The following TCP11 variants were observed in gnomAD, a reference collection of about 807,000 sequenced individuals.
TCP11 encodes the protein T-complex protein 11 homolog.
In TCP11, 34 loss-of-function variants were observed where a neutral mutation model predicts 45.0. The ratio of observed to expected loss-of-function variants is 0.76; its 90% CI spans 0.57 to 1.01. TCP11 has a LOEUF of 1.01. Ranked by LOEUF, TCP11 falls within the 50% of genes least tolerant of loss-of-function variation. TCP11 has a pLI of 0.00. For missense variants in TCP11, 523 were observed against 598.1 expected, an observed-to-expected ratio of 0.87 and a Z score of 1.31; for synonymous variants, 227 against 227.0, an observed-to-expected ratio of 1.00 and a Z score of 0.00.
At chr6:35,129,258 A>G (rs1780154401) in intron 3 of TCP11, 76 bp from the exon 4 acceptor site, 1 of 1,515,082 alleles carries the variant, frequency 6.6e-7, no homozygotes, top group Non-Finnish European at 8.8e-7. Flanking sequence ...CTAAACCCCA[A>G]ACTGAATTTG....
intron 3 of TCP11, among the ~76,000 whole-genome samples, chr6:35,135,686 C>T (rs1215130640): frequency 6.6e-6 from 1 of 151,166 alleles, no homozygotes; most frequent in Non-Finnish European, 1.5e-5. Context: ...AGGCCATGAC[C>T]ATACTACTGC....
chr6:35,120,209 T>C lies in TCP11; in HGVS notation c.1065A>G (p.Val355=), dbSNP rs1779072171. Residue 355 remains valine, a synonymous_variant, in exon 8 of 10, where the codon GTA becomes GTG. Transcript: ENST00000311875. This position sits in a 1 kb window ranked among gnomAD's most constrained non-coding sequence, Gnocchi z 4.9. Reference sequence around the variant, plus strand: ...ATTTGGTTATGCGTTTCAGTTTATCTACAAATTGGGGTGAGCCAAACAAAA... The same window carrying C: ...ATTTGGTTATGCGTTTCAGTTTATCCACAAATTGGGGTGAGCCAAACAAAA... ...GSVLFGSPQF[V]DKLKRITKSL... 6.2e-7 allele frequency: 1 copy of C among 1,614,128 alleles called. No individual in the cohort carries two copies.
At position 35,118,521 on chromosome 6, in the gene TCP11, C is replaced by A; in HGVS notation, c.1280-20G>T. The A allele has an allele frequency of 6.2e-7, 1 of 1,606,312 alleles. No homozygotes were observed. ...GCTGATCTGTGAGCAGGAAAAGACACTGATAAGGGAAAAGGCAAACAGATT... is the reference window on the plus strand; with the variant it reads ...GCTGATCTGTGAGCAGGAAAAGACAATGATAAGGGAAAAGGCAAACAGATT... On this transcript the variant is annotated intron_variant, in intron 9 of 9. Transcript: ENST00000311875.
At position 35,139,362 on chromosome 6, in the gene TCP11, C is replaced by T. The variant is rs549910011; in HGVS notation, c.124+1385G>A. ...GTATTATTTTTTACTTTCCAGCAGACTTACGATATTTAAAAATAAAAAGTT... is the reference window on the plus strand; with the variant it reads ...GTATTATTTTTTACTTTCCAGCAGATTTACGATATTTAAAAATAAAAAGTT... On this transcript the variant is annotated intron_variant, in intron 2 of 9. Coordinates refer to ENST00000311875, the MANE Select transcript of TCP11 (RefSeq NM_001370687.1). Among the ~76,000 whole-genome samples the T allele has an allele frequency of 8.5e-5, 13 of 152,220 alleles. No individual in the cohort carries two copies. In the East Asian group the frequency reaches 2.3e-3, roughly 27 times the overall value.
intron 4 of TCP11, among the ~76,000 whole-genome samples, chr6:35,127,368 C>T (rs1482786244): frequency 6.6e-6 from 1 of 152,120 alleles, no homozygotes; most frequent in African/African-American, 2.4e-5. Flanking sequence ...TGGAAAACCA[C>T]AACAAACAAA....
Position 35,129,003 on chromosome 6 carries a change from C to T in TCP11, c.357+59G>A. Reference sequence around the variant, plus strand: ...TCAGTTAAGATTTGCTAGCCACTGACACTCCAATGAGCTGGAGATGTCTAG... The same window carrying T: ...TCAGTTAAGATTTGCTAGCCACTGATACTCCAATGAGCTGGAGATGTCTAG... On this transcript the variant is annotated intron_variant, in intron 4 of 9. Coordinates refer to ENST00000311875, the MANE Select transcript of TCP11 (RefSeq NM_001370687.1). The T allele has an allele frequency of 1.9e-6, 3 of 1,586,186 alleles. 1 individual carries two copies. In the South Asian group the frequency reaches 3.5e-5, roughly 19 times the overall value.
intron 5 of TCP11, among the ~76,000 whole-genome samples, chr6:35,121,873 A>T (rs2127644175): frequency 6.6e-6 from 1 of 152,224 alleles, no homozygotes; most frequent in East Asian, 1.9e-4. Flanking sequence ...AGAAAGAAGT[A>T]TGTACTGTAG....
At chr6:35,123,801 C>A (rs1228618213) in intron 4 of TCP11, among the ~76,000 whole-genome samples, 1 of 151,402 alleles carries the variant, frequency 6.6e-6, no homozygotes, top group African/African-American at 2.4e-5. Context: ...TTTTTGGATT[C>A]TTTTGAGACA....
At position 35,121,054 on chromosome 6, in the gene TCP11, G is replaced by A. The variant is rs1254432635; in HGVS notation, c.579-9C>T. 3 of 1,595,278 alleles carry A rather than the reference G, an allele frequency of 1.9e-6. No individual in the cohort carries two copies. The highest frequency in any genetic ancestry group is 2.2e-5 in the East Asian group (1 of 44,686). The stretch of plus-strand genomic sequence containing the variant: ...GAACCTGGAAGATCCCTCTGACACA[G>A]GGGGAAAGAGAATATTTATACTACT... On this transcript the variant is annotated splice_polypyrimidine_tract_variant and intron_variant, in intron 5 of 9. Transcript: ENST00000311875.
Position 35,119,231 on chromosome 6 carries a change from TAACAC to T in TCP11, c.1271_1275del (p.Ser424AsnfsTer2), listed in dbSNP as rs778096245. ...ACTACCCCACAAGCATACTCACCAA[TAACAC>T]TGCAGACACAGTTCTCCTTCTTGGC... On this transcript the variant is annotated frameshift_variant, in exon 9 of 10. Coordinates refer to ENST00000311875, the MANE Select transcript of TCP11 (RefSeq NM_001370687.1). LOFTEE classifies it high-confidence loss of function. 1 of 1,614,064 alleles carries T rather than the reference TAACAC, an allele frequency of 6.2e-7. No individual in the cohort carries two copies. The highest frequency in any genetic ancestry group is 1.1e-5 in the South Asian group (1 of 91,036).
intron 4 of TCP11, among the ~76,000 whole-genome samples, chr6:35,123,088 AT>A (rs943958328): frequency 8.5e-5 from 13 of 152,154 alleles, no homozygotes; most frequent in African/African-American, 2.9e-4. Flanking sequence ...ACAATGTTAG[AT>A]TTTTGTCAAA....
chr6:35,136,089 A>C lies in TCP11; in HGVS notation c.236+18T>G, dbSNP rs1213605101. ...TAAGCCAGGATGAGCAACATGAAGA[A>C]AGAAGAAGAGTCTATACCTGCTTGG... On this transcript the variant is annotated intron_variant, in intron 3 of 9. Transcript: ENST00000311875. The C allele has an allele frequency of 1.9e-6, 3 of 1,599,952 alleles. No homozygotes were observed.
At chr6:35,140,417 A>G (rs1204141422) in intron 2 of TCP11, 1 of 529,374 alleles carries the variant, frequency 1.9e-6, no homozygotes, top group Non-Finnish European at 3.5e-6. Flanking sequence ...GTCTGGGATC[A>G]TTTGGGTTCT....
intron 3 of TCP11, among the ~76,000 whole-genome samples, chr6:35,132,775 C>T (rs1363192491): frequency 1.3e-5 from 2 of 152,174 alleles, no homozygotes; most frequent in African/African-American, 4.8e-5. Flanking sequence ...TTCTACCTGC[C>T]ATACCCCTCT....
At chr6:35,134,284 T>G (rs1013296197) in intron 3 of TCP11, among the ~76,000 whole-genome samples, 23 of 139,322 alleles carry the variant, frequency 1.7e-4, no homozygotes, top group African/African-American at 5.8e-4. Flanking sequence ...TTTTTTTTTT[T>G]TTTTTTTTTT....
At position 35,120,544 on chromosome 6, in the gene TCP11, C is replaced by A. The variant is rs760263154; in HGVS notation, c.818G>T (p.Gly273Val). 1 of 1,613,966 alleles carries A rather than the reference C, an allele frequency of 6.2e-7. No homozygotes were observed. The highest frequency in any genetic ancestry group is 8.5e-7 in the Non-Finnish European group (1 of 1,180,026). Residue 273 changes from glycine to valine, a missense_variant, in exon 7 of 10, where the codon GGC (glycine) becomes GTC (valine). Around this residue, in one of 2 missense-constraint regions of TCP11, gnomAD observed 298 missense variants for 387.9 expected, o/e 0.77. Transcript: ENST00000311875. This position sits in a 1 kb window ranked among gnomAD's most constrained non-coding sequence, Gnocchi z 4.9. ...PDTSDSSSVAGPSPNEAANNP... is the reference protein window; with the variant it reads ...PDTSDSSSVAVPSPNEAANNP... Reference sequence around the variant, plus strand: ...GTTGGCTGCCTCATTGGGAGAGGGGCCAGCCACACTGGAGGAGTCAGAAGT... The same window carrying A: ...GTTGGCTGCCTCATTGGGAGAGGGGACAGCCACACTGGAGGAGTCAGAAGT...
chr6:35,131,583 A>G (rs1780459346), intron 3 of TCP11, among the ~76,000 whole-genome samples: 1 of 152,156 alleles, frequency 6.6e-6, no homozygotes, highest in Non-Finnish European at 1.5e-5. Flanking sequence ...CAAACAAACA[A>G]ACAAAAAAAC....
rs182527117 is a variant in TCP11, at chr6:35,120,425, C to T, written c.933+4G>A. The T allele has an allele frequency of 5.0e-6, 8 of 1,589,298 alleles. No individual in the cohort carries two copies. In the African/African-American group the frequency reaches 6.7e-5, roughly 13 times the overall value. On this transcript the variant is annotated splice_donor_region_variant and intron_variant, in intron 7 of 9. Coordinates refer to ENST00000311875, the MANE Select transcript of TCP11 (RefSeq NM_001370687.1). This position sits in a 1 kb window ranked among gnomAD's most constrained non-coding sequence, Gnocchi z 4.9. ...AACAAGGCAATGCCCCCAGACATTC[C>T]TACCTCAGGGAACTCTTCATTTTCA...
At chr6:35,119,496 G>A in intron 8 of TCP11, 105 bp from the exon 9 acceptor site, 1 of 1,402,442 alleles carries the variant, frequency 7.1e-7, no homozygotes, top group Non-Finnish European at 9.7e-7. Context: ...GAGGGAGAAT[G>A]TCAGCCACCC....
Sources: allele counts gnomAD v4.1 joint callset (sites outside exome capture counted in the v4.1 genomes callset), GRCh38; gene constraint gnomAD v4.1.1; regional missense constraint gnomAD v4.1.1; non-coding constraint Gnocchi (gnomAD v3.1); transcripts MANE v1.5; gene names NCBI Gene and HGNC (gene_info 2026-07-23, HGNC 2026-07-21).